Variants in GRID2 observed in about 807,000 individuals in gnomAD.
GRID2 encodes glutamate receptor ionotropic, delta-2.
In GRID2, 33 loss-of-function variants were observed where a neutral mutation model predicts 114.8. The observed-to-expected ratio is 0.29, with a 90% confidence interval of 0.22 to 0.38. The LOEUF is 0.38. Among genes scored for constraint, GRID2 ranks in the 10% least tolerant of loss-of-function variants. The pLI, the probability that GRID2 is intolerant of heterozygous loss-of-function variation, is 1.00. For synonymous variants in GRID2, 505 were observed against 449.9 expected (o/e 1.12, Z -1.55); for missense variants, 1,184 against 1,257.7 (o/e 0.94, Z 0.89).
At chr4:92,567,565 G>A (rs753941947) in intron 1 of GRID2, among the ~76,000 whole-genome samples, 1 of 151,902 alleles carries the variant, frequency 6.6e-6, no homozygotes, top group African/African-American at 2.4e-5. Context: ...AAGTTTCATC[G>A]GGAAAATAGG....
chr4:92,911,627 TG>T (rs1162129561), intron 2 of GRID2, among the ~76,000 whole-genome samples: 17 of 151,880 alleles, frequency 1.1e-4, no homozygotes, highest in African/African-American at 4.1e-4. Context: ...ATTGCTGGTG[TG>T]TCATGAAGAA....
intron 1 of GRID2, among the ~76,000 whole-genome samples, chr4:92,488,860 T>G (rs1370463414): frequency 6.6e-6 from 1 of 152,130 alleles, no homozygotes; most frequent in African/African-American, 2.4e-5. Flanking sequence ...CTTTGGGGAA[T>G]AGACATGCTG....
intron 2 of GRID2, among the ~76,000 whole-genome samples, chr4:93,047,101 A>C (rs758905463): frequency 2.6e-5 from 4 of 152,018 alleles, no homozygotes; most frequent in Non-Finnish European, 5.9e-5. Context: ...CATGAGAAAA[A>C]TACCAGATTA....
intron 14 of GRID2, among the ~76,000 whole-genome samples, chr4:93,753,000 G>A (rs1732457722): frequency 6.6e-6 from 1 of 152,132 alleles, no homozygotes; most frequent in Admixed American, 6.5e-5. Context: ...GAATGGCCTG[G>A]GGGTAGGACA....
intron 8 of GRID2, among the ~76,000 whole-genome samples, chr4:93,252,055 A>C (rs1218179418): frequency 6.6e-6 from 1 of 152,150 alleles, no homozygotes; most frequent in Non-Finnish European, 1.5e-5. Flanking sequence ...AGGAATTGCC[A>C]CACTGTCTTC....
At chr4:92,883,793 A>G (rs1462706912) in intron 2 of GRID2, among the ~76,000 whole-genome samples, 1 of 152,220 alleles carries the variant, frequency 6.6e-6, no homozygotes, top group African/African-American at 2.4e-5. Context: ...TCAGTAAACC[A>G]TGCTATAAAT....
At chr4:92,970,055 T>C (rs967829485) in intron 2 of GRID2, among the ~76,000 whole-genome samples, 1 of 151,998 alleles carries the variant, frequency 6.6e-6, no homozygotes, top group Non-Finnish European at 1.5e-5. Flanking sequence ...AATGTTTTCA[T>C]TTATTCAACA....
intron 1 of GRID2, among the ~76,000 whole-genome samples, chr4:92,540,548 A>G (rs1458646524): frequency 6.6e-6 from 1 of 152,254 alleles, no homozygotes; most frequent in African/African-American, 2.4e-5. Flanking sequence ...AGAAATGCTC[A>G]TCATCACTGG....
At chr4:92,835,940 C>T (rs1578267833) in intron 2 of GRID2, among the ~76,000 whole-genome samples, 2 of 152,130 alleles carry the variant, frequency 1.3e-5, no homozygotes, top group African/African-American at 4.8e-5. Context: ...AATACTTCTA[C>T]GGTAGTTTCT....
chr4:93,044,575 T>C (rs1725942777), intron 2 of GRID2, among the ~76,000 whole-genome samples: 1 of 152,176 alleles, frequency 6.6e-6, no homozygotes, highest in Admixed American at 6.6e-5. Context: ...TCTATATTAA[T>C]GTTGAAAAAT....
chr4:92,789,013 T>C lies in GRID2; in HGVS notation c.244+198727T>C, dbSNP rs190443962. Among the ~76,000 whole-genome samples, 8 of 152,028 alleles carry C rather than the reference T, an allele frequency of 5.3e-5. No individual in the cohort carries two copies. In the East Asian group the frequency reaches 9.7e-4, roughly 18 times the overall value. On this transcript the variant is annotated intron_variant, in intron 2 of 15. Transcript: ENST00000282020. Reference sequence around the variant, plus strand: ...TTAATAAATAGTCACAGTTTTTCTTTTAATTTAAAAATATTTGTATTATTT... The same window carrying C: ...TTAATAAATAGTCACAGTTTTTCTTCTAATTTAAAAATATTTGTATTATTT...
intron 2 of GRID2, among the ~76,000 whole-genome samples, chr4:92,740,686 TA>T (rs1416546662): frequency 2.1e-4 from 16 of 76,480 alleles, no homozygotes; most frequent in East Asian, 5.6e-4. Context: ...GATAGATAGA[TA>T]GATGATAGAT....
At chr4:93,531,723 C>T (rs1418202707) in intron 13 of GRID2, among the ~76,000 whole-genome samples, 1 of 151,880 alleles carries the variant, frequency 6.6e-6, no homozygotes. Flanking sequence ...ATGTATATAC[C>T]ATAGACAGAT....
intron 1 of GRID2, among the ~76,000 whole-genome samples, chr4:92,468,984 A>G (rs1261496626): frequency 1.3e-5 from 2 of 152,104 alleles, no homozygotes; most frequent in African/African-American, 4.8e-5. Flanking sequence ...CATGGACCAC[A>G]CACATTTCTG....
chr4:92,678,396 A>G (rs1733488381), intron 2 of GRID2, among the ~76,000 whole-genome samples: 1 of 152,172 alleles, frequency 6.6e-6, no homozygotes. Context: ...AGTTAAATGA[A>G]TAATAACATA....
chr4:93,012,487 G>A (rs1000173541), intron 2 of GRID2, among the ~76,000 whole-genome samples: 1 of 151,984 alleles, frequency 6.6e-6, no homozygotes, highest in Admixed American at 6.6e-5. Flanking sequence ...AGGGCAACGT[G>A]GTGTAAATCT....
chr4:93,484,785 G>A (rs1309268434), intron 11 of GRID2, among the ~76,000 whole-genome samples: 1 of 151,800 alleles, frequency 6.6e-6, no homozygotes, highest in African/African-American at 2.4e-5. Flanking sequence ...AGTTCACTAC[G>A]CATGAAGAAA....
chr4:93,679,053 C>A (rs1035603646), intron 14 of GRID2, among the ~76,000 whole-genome samples: 2 of 151,082 alleles, frequency 1.3e-5, no homozygotes, highest in African/African-American at 4.9e-5. Context: ...CAGAGACACA[C>A]ATAGGCTCAA....
intron 2 of GRID2, among the ~76,000 whole-genome samples, chr4:92,962,411 C>A (rs1228462758): frequency 6.6e-6 from 1 of 151,668 alleles, no homozygotes; most frequent in African/African-American, 2.4e-5. Context: ...TCTCTGTTCC[C>A]CCTCCCACCC....
Sources: gnomAD v4.1 joint callset for allele counts (sites outside exome capture counted in the v4.1 genomes callset) on GRCh38, gnomAD v4.1.1 for gene constraint, MANE v1.5 for transcripts, NCBI Gene and HGNC (gene_info 2026-07-23, HGNC 2026-07-21) for gene names.